Variants in SPAG16 observed in about 807,000 individuals in gnomAD.
SPAG16 encodes sperm associated antigen 16.
In SPAG16, 86 loss-of-function variants were observed where a neutral mutation model predicts 80.4. That is an observed-to-expected ratio of 1.07 (90% confidence interval 0.90 to 1.28). The LOEUF (loss-of-function observed/expected upper bound fraction) is 1.28, where lower values mean the gene tolerates loss of function less well. Ranked by LOEUF, SPAG16 falls within the 50% of genes most tolerant of loss-of-function variation. SPAG16 has a pLI of 0.00. For synonymous variants in SPAG16, 294 were observed against 265.9 expected, an observed-to-expected ratio of 1.11 and a Z score of -1.03; for missense variants, 870 against 765.3, an observed-to-expected ratio of 1.14 and a Z score of -1.61.
chr2:213,859,066 C>T (rs2075298891), intron 10 of SPAG16, among the ~76,000 whole-genome samples: 1 of 150,454 alleles, frequency 6.6e-6, no homozygotes, highest in South Asian at 2.1e-4. Flanking sequence ...GTAATCCCAG[C>T]TACTCAAGAG....
intron 10 of SPAG16, among the ~76,000 whole-genome samples, chr2:213,715,261 T>TATC (rs2066188306): frequency 6.6e-6 from 1 of 151,296 alleles, no homozygotes; most frequent in African/African-American, 2.4e-5. Flanking sequence ...TCTATCTATC[T>TATC]ATCTATCCAT....
rs71037364 is a variant in SPAG16, at chr2:214,305,888, G to GTT, written c.1721-104243_1721-104242dup. On this transcript the variant is annotated intron_variant, in intron 15 of 15. Transcript: ENST00000331683. ...TTGGTTCTATCTGAATTTTAAAATA[G>GTT]TTTTTTTTTTCTAGTTCTTTGAAGA... 4.6e-4 allele frequency among the ~76,000 whole-genome samples: 69 copies of GTT among 149,826 alleles called. 1 individual carries two copies. The highest frequency in any genetic ancestry group is 1.8e-3 in the East Asian group (9 of 5,108).
chr2:214,185,790 A>G (rs1426047631), intron 15 of SPAG16, among the ~76,000 whole-genome samples: 3 of 152,098 alleles, frequency 2.0e-5, no homozygotes, highest in Non-Finnish European at 4.4e-5. Flanking sequence ...GAGACCAGAG[A>G]GCAGAGGGAC....
intron 13 of SPAG16, among the ~76,000 whole-genome samples, chr2:214,077,154 G>C (rs1273190287): frequency 6.6e-6 from 1 of 152,102 alleles, no homozygotes; most frequent in Non-Finnish European, 1.5e-5. Flanking sequence ...AGAGCAAGTA[G>C]AGAAAAAATA....
chr2:214,402,625 CT>C (rs940801653), intron 15 of SPAG16, among the ~76,000 whole-genome samples: 32 of 151,890 alleles, frequency 2.1e-4, no homozygotes, highest in African/African-American at 7.5e-4. Context: ...TTTGTTTCCC[CT>C]ATATCAAAAA....
intron 15 of SPAG16, among the ~76,000 whole-genome samples, chr2:214,160,018 G>C (rs2056375868): frequency 6.6e-6 from 1 of 151,914 alleles, no homozygotes; most frequent in Admixed American, 6.6e-5. Flanking sequence ...CAGTGTTAAA[G>C]AGATAGAAAA....
chr2:213,446,229 C>T (rs184183790), intron 9 of SPAG16, among the ~76,000 whole-genome samples: 31 of 152,276 alleles, frequency 2.0e-4, no homozygotes, highest in Admixed American at 3.3e-4. Flanking sequence ...AGCTCCTCAG[C>T]GATGGTTCAT....
chr2:213,950,278 T>C (rs538502159), intron 12 of SPAG16, among the ~76,000 whole-genome samples: 3 of 152,214 alleles, frequency 2.0e-5, no homozygotes, highest in African/African-American at 7.2e-5. Flanking sequence ...TTTTTCTTTA[T>C]TCTTCTAAGA....
intron 15 of SPAG16, among the ~76,000 whole-genome samples, chr2:214,355,087 T>A (rs994431012): frequency 1.3e-5 from 2 of 151,764 alleles, no homozygotes; most frequent in African/African-American, 2.4e-5. Flanking sequence ...AACCTACGCA[T>A]TACCATTCAG....
chr2:213,619,566 A>G (rs1000416309), intron 10 of SPAG16, among the ~76,000 whole-genome samples: 1 of 152,186 alleles, frequency 6.6e-6, no homozygotes, highest in Non-Finnish European at 1.5e-5. Flanking sequence ...AAAATGATCA[A>G]CATCACTAAT....
chr2:213,720,876 G>T (rs1443544668), intron 10 of SPAG16, among the ~76,000 whole-genome samples: 1 of 147,872 alleles, frequency 6.8e-6, no homozygotes, highest in Non-Finnish European at 1.5e-5. Flanking sequence ...CTCCCAGTTA[G>T]CTGGGACTAC....
chr2:213,599,739 T>C (rs542738220), intron 10 of SPAG16, among the ~76,000 whole-genome samples: 49 of 152,332 alleles, frequency 3.2e-4, no homozygotes, highest in African/African-American at 1.2e-3. Context: ...TCTTGCTCTG[T>C]CACCCATACT....
At chr2:214,218,517 C>G (rs1021549269) in intron 15 of SPAG16, among the ~76,000 whole-genome samples, 2 of 152,164 alleles carry the variant, frequency 1.3e-5, no homozygotes, top group Non-Finnish European at 1.5e-5. Context: ...CCACTTTGCT[C>G]CTGCCAGGAA....
intron 13 of SPAG16, among the ~76,000 whole-genome samples, chr2:214,093,376 T>C (rs957062176): frequency 3.9e-5 from 6 of 152,096 alleles, no homozygotes; most frequent in Non-Finnish European, 8.8e-5. Flanking sequence ...TTTCTTATTT[T>C]ATATGCTATT....
chr2:213,337,132 T>A (rs1447861821), intron 5 of SPAG16, among the ~76,000 whole-genome samples: 1 of 151,960 alleles, frequency 6.6e-6, no homozygotes. Context: ...AACATCCCTG[T>A]AGAAGAGGGG....
intron 13 of SPAG16, among the ~76,000 whole-genome samples, chr2:214,098,861 A>G (rs906802319): frequency 2.0e-5 from 3 of 152,100 alleles, no homozygotes; most frequent in African/African-American, 7.2e-5. Flanking sequence ...TTACAGAGGC[A>G]GGAGTTGGTT....
intron 10 of SPAG16, among the ~76,000 whole-genome samples, chr2:213,777,696 C>T (rs2069688836): frequency 6.6e-6 from 1 of 151,990 alleles, no homozygotes; most frequent in African/African-American, 2.4e-5. Context: ...CGTGAGCCGC[C>T]CAACTAATTT....
intron 12 of SPAG16, among the ~76,000 whole-genome samples, chr2:213,945,928 T>C (rs1439482314): frequency 6.6e-6 from 1 of 152,216 alleles, no homozygotes; most frequent in Non-Finnish European, 1.5e-5. Context: ...ACCTTCTTTT[T>C]AGCCCTTTGT....
At chr2:213,303,731 T>C (rs2062836821) in intron 3 of SPAG16, among the ~76,000 whole-genome samples, 1 of 152,166 alleles carries the variant, frequency 6.6e-6, no homozygotes, top group Non-Finnish European at 1.5e-5. Flanking sequence ...GATGGCTGAA[T>C]AGTACTTTAT....
Sources: allele counts gnomAD v4.1 joint callset (sites outside exome capture counted in the v4.1 genomes callset), GRCh38; gene constraint gnomAD v4.1.1; transcripts MANE v1.5; gene names NCBI Gene and HGNC (gene_info 2026-07-23, HGNC 2026-07-21).